The following DLGAP1 variants were observed in gnomAD, a reference collection of about 807,000 sequenced individuals.
The protein encoded by DLGAP1 is disks large-associated protein 1.
A neutral mutation model predicts 90.8 loss-of-function variants in DLGAP1; 11 were observed. The observed-to-expected ratio is 0.12, with a 90% confidence interval of 0.08 to 0.20. DLGAP1 has a LOEUF of 0.20. DLGAP1 is among the 10% of genes least tolerant of loss of function. The pLI is 1.00. For missense variants in DLGAP1, 1,050 were observed against 1,333.8 expected (o/e 0.79, Z 3.31); for synonymous variants, 558 against 540.7 (o/e 1.03, Z -0.44).
intron 7 of DLGAP1, among the ~76,000 whole-genome samples, chr18:3,583,663 T>C (rs1213254887): frequency 6.6e-6 from 1 of 152,190 alleles, no homozygotes; most frequent in Non-Finnish European, 1.5e-5. Context: ...AGGGCCTGAA[T>C]CTGACTGGGT....
chr18:4,105,549 A>C (rs1368880127), intron 2 of DLGAP1, among the ~76,000 whole-genome samples: 7 of 152,244 alleles, frequency 4.6e-5, no homozygotes, highest in African/African-American at 1.7e-4. Context: ...TGAGTTTGTG[A>C]ATAACATGTA....
intron 1 of DLGAP1, among the ~76,000 whole-genome samples, chr18:4,183,350 T>G (rs780765665): frequency 1.1e-4 from 16 of 152,166 alleles, no homozygotes; most frequent in Non-Finnish European, 2.2e-4. Flanking sequence ...AAGAAATATT[T>G]AGAAAGAAGA....
At chr18:4,294,825 A>C (rs2079936826) in intron 1 of DLGAP1, 7 of 152,264 alleles carry the variant, frequency 4.6e-5, no homozygotes, top group Admixed American at 4.6e-4. Flanking sequence ...GGAACTCAGC[A>C]GGATAGATGG....
At chr18:4,219,951 T>C (rs1348010724) in intron 1 of DLGAP1, among the ~76,000 whole-genome samples, 1 of 152,152 alleles carries the variant, frequency 6.6e-6, no homozygotes, top group Non-Finnish European at 1.5e-5. Flanking sequence ...CAAGATTGTT[T>C]TGGCTATTCT....
chr18:3,769,596 A>C (rs1202426457), intron 5 of DLGAP1, among the ~76,000 whole-genome samples: 1 of 152,200 alleles, frequency 6.6e-6, no homozygotes. Flanking sequence ...CTGAATGAAG[A>C]AAGCCAGTCC....
intron 5 of DLGAP1, among the ~76,000 whole-genome samples, chr18:3,749,791 T>A (rs1279509403): frequency 6.6e-6 from 1 of 152,188 alleles, no homozygotes; most frequent in African/African-American, 2.4e-5. Context: ...TCAAATTTTC[T>A]TATTTTTTTA....
intron 1 of DLGAP1, among the ~76,000 whole-genome samples, chr18:4,400,220 T>TC (rs1461867233): frequency 5.3e-5 from 8 of 152,316 alleles, no homozygotes; most frequent in Non-Finnish European, 8.8e-5. Flanking sequence ...GCGTTGGTGT[T>TC]CCCTTTAGGA....
chr18:3,923,931 C>A (rs1273804828), intron 3 of DLGAP1, among the ~76,000 whole-genome samples: 1 of 152,194 alleles, frequency 6.6e-6, no homozygotes, highest in African/African-American at 2.4e-5. Flanking sequence ...TGTTGAGTCA[C>A]TATCTAATGA....
intron 11 of DLGAP1, among the ~76,000 whole-genome samples, chr18:3,505,132 G>GACCTAAACAGTGCCGCC (rs71159085): frequency 1.3e-5 from 2 of 151,908 alleles, no homozygotes; most frequent in East Asian, 3.9e-4. Flanking sequence ...TGCAGCTGTG[G>GACCTAAACAGTGCCGCC]ACCAGGCCAC....
At chr18:3,506,536 A>C (rs1252093438) in intron 11 of DLGAP1, among the ~76,000 whole-genome samples, 7 of 149,818 alleles carry the variant, frequency 4.7e-5, no homozygotes, top group Non-Finnish European at 1.0e-4. Flanking sequence ...AAAAAAAAAA[A>C]AGTGGAACTC....
At chr18:3,840,667 A>C (rs2068662426) in intron 4 of DLGAP1, among the ~76,000 whole-genome samples, 4 of 152,182 alleles carry the variant, frequency 2.6e-5, no homozygotes, top group Admixed American at 2.6e-4. Flanking sequence ...TATTCCACTA[A>C]CTACGACCAC....
intron 5 of DLGAP1, among the ~76,000 whole-genome samples, chr18:3,781,681 C>A (rs2148128850): frequency 6.6e-6 from 1 of 152,146 alleles, no homozygotes; most frequent in East Asian, 1.9e-4. Context: ...ATGTTTGTGT[C>A]CTTAGATAAG....
At chr18:4,117,167 T>A (rs545293951) in intron 2 of DLGAP1, among the ~76,000 whole-genome samples, 1 of 152,256 alleles carries the variant, frequency 6.6e-6, no homozygotes, top group East Asian at 1.9e-4. Flanking sequence ...ATCTACAAGT[T>A]AAGGAGAGAG....
chr18:3,649,896 T>C (rs1639365), intron 7 of DLGAP1, among the ~76,000 whole-genome samples: 56,086 of 152,002 alleles, frequency 0.37, 13,425 homozygotes, highest in African/African-American at 0.69. Context: ...AATCACAAGA[T>C]GACAAATGGC....
intron 1 of DLGAP1, among the ~76,000 whole-genome samples, chr18:4,312,529 G>C (rs1225158594): frequency 1.3e-5 from 2 of 152,136 alleles, no homozygotes; most frequent in Admixed American, 1.3e-4. Context: ...GTTTGTCAGG[G>C]TGTGAAATGT....
intron 4 of DLGAP1, among the ~76,000 whole-genome samples, chr18:3,833,391 G>A (rs1245159035): frequency 3.3e-5 from 5 of 151,740 alleles, no homozygotes; most frequent in Admixed American, 6.6e-5. Flanking sequence ...ATGCCACCAC[G>A]CCCAGTTAAT....
intron 1 of DLGAP1, among the ~76,000 whole-genome samples, chr18:4,301,693 A>T (rs145752812): frequency 1.6e-3 from 249 of 152,282 alleles, no homozygotes; most frequent in Admixed American, 3.2e-3. Context: ...GGATCATATA[A>T]TAATTCTATT....
chr18:4,276,066 C>A (rs1053121686), intron 1 of DLGAP1, among the ~76,000 whole-genome samples: 21 of 149,304 alleles, frequency 1.4e-4, no homozygotes, highest in African/African-American at 4.5e-4. Flanking sequence ...GAGGGTTCAG[C>A]CGGAAAAGAC....
intron 7 of DLGAP1, among the ~76,000 whole-genome samples, chr18:3,694,384 A>G (rs1030751517): frequency 2.6e-5 from 4 of 152,054 alleles, no homozygotes; most frequent in Admixed American, 6.6e-5. Flanking sequence ...ATGATTTATA[A>G]TCCTTTGGTA....
Sources: allele counts gnomAD v4.1 joint callset (sites outside exome capture counted in the v4.1 genomes callset), GRCh38; gene constraint gnomAD v4.1.1; transcripts MANE v1.5; gene names NCBI Gene and HGNC (gene_info 2026-07-23, HGNC 2026-07-21).